The following CADPS2 variants were observed in gnomAD, a reference collection of about 807,000 sequenced individuals.
CADPS2 encodes the protein calcium-dependent secretion activator 2.
Under a neutral mutation model 172.5 loss-of-function variants are expected in CADPS2, and 93 were observed. The ratio of observed to expected loss-of-function variants is 0.54; its 90% CI spans 0.46 to 0.64. The LOEUF (loss-of-function observed/expected upper bound fraction) is 0.64. Ranked by LOEUF, CADPS2 falls within the 30% of genes least tolerant of loss-of-function variation. CADPS2 has a pLI of 0.00. For missense variants in CADPS2, 1,420 were observed against 1,565.9 expected, an observed-to-expected ratio of 0.91 and a Z score of 1.57; for synonymous variants, 546 against 555.2, an observed-to-expected ratio of 0.98 and a Z score of 0.23.
intron 20 of CADPS2, among the ~76,000 whole-genome samples, chr7:122,401,514 A>G (rs527885590): frequency 2.6e-4 from 40 of 152,200 alleles, no homozygotes; most frequent in South Asian, 1.0e-3. Flanking sequence ...TGCCTTATCT[A>G]TTATTGACAG....
intron 1 of CADPS2, among the ~76,000 whole-genome samples, chr7:122,764,115 C>A (rs1331968411): frequency 1.3e-5 from 2 of 152,096 alleles, no homozygotes; most frequent in African/African-American, 2.4e-5. Context: ...CAACTCCCCA[C>A]ATACTTGTTT....
rs370495489 is a variant in CADPS2, at chr7:122,875,956, A to G, written c.339+10043T>C. ...CAAAAGACAACCCTAAGGGAAACACAAAGAAAGGATACAAACTATTGATTT... is the reference window on the plus strand; with the variant it reads ...CAAAAGACAACCCTAAGGGAAACACGAAGAAAGGATACAAACTATTGATTT... On this transcript the variant is annotated intron_variant, in intron 1 of 29. Coordinates refer to ENST00000449022, the MANE Select transcript of CADPS2 (RefSeq NM_017954.11). 1.7e-4 allele frequency among the ~76,000 whole-genome samples: 26 copies of G among 152,332 alleles called. No homozygotes were observed. In the East Asian group the frequency reaches 4.2e-3, roughly 25 times the overall value.
chr7:122,516,796 A>G (rs1300190448), intron 8 of CADPS2, among the ~76,000 whole-genome samples: 2 of 152,168 alleles, frequency 1.3e-5, no homozygotes, highest in African/African-American at 4.8e-5. Flanking sequence ...TCTTATAGTT[A>G]ATATCTGGCA....
At chr7:122,522,777 T>C (rs888334838) in intron 8 of CADPS2, among the ~76,000 whole-genome samples, 1 of 146,092 alleles carries the variant, frequency 6.8e-6, no homozygotes, top group Non-Finnish European at 1.5e-5. Flanking sequence ...CTAACTTCTA[T>C]CTCCACAGAT....
rs181613516 is a variant in CADPS2 at position 122,566,458 on chromosome 7, C to T, written c.1336-11769G>A. On this transcript the variant is annotated intron_variant, in intron 7 of 29. Coordinates refer to ENST00000449022, the MANE Select transcript of CADPS2 (RefSeq NM_017954.11). ...TGAAATCTGTATATAGAAGAGATAT[C>T]TGCACTCCAATGTTCATTGCAGCTT... Among the ~76,000 whole-genome samples, 599 of 152,188 alleles carry T rather than the reference C, an allele frequency of 3.9e-3. 7 individuals carry two copies. The highest frequency in any genetic ancestry group is 0.014 in the African/African-American group (568 of 41,504).
At chr7:122,716,668 T>TA (rs1449219702) in intron 2 of CADPS2, among the ~76,000 whole-genome samples, 7 of 152,092 alleles carry the variant, frequency 4.6e-5, no homozygotes, top group Admixed American at 1.3e-4. Context: ...CCCTAGAACT[T>TA]AAAGTATAAC....
At chr7:122,655,473 G>A (rs1356449993) in intron 3 of CADPS2, among the ~76,000 whole-genome samples, 1 of 152,098 alleles carries the variant, frequency 6.6e-6, no homozygotes, top group African/African-American at 2.4e-5. Flanking sequence ...AGGCTCAAAT[G>A]CTTGGTAGCA....
intron 28 of CADPS2, among the ~76,000 whole-genome samples, chr7:122,328,014 T>G (rs1473897909): frequency 6.6e-6 from 1 of 152,076 alleles, no homozygotes; most frequent in Non-Finnish European, 1.5e-5. Flanking sequence ...ACACTTCAAA[T>G]TAAGCAAATG....
rs527494705 is a variant in CADPS2, at chr7:122,636,874, T to C, written c.787-7546A>G. Among the ~76,000 whole-genome samples, 36 of 152,260 alleles carry C rather than the reference T, an allele frequency of 2.4e-4. 3 individuals carry two copies. In the South Asian group the frequency reaches 6.4e-3, roughly 27 times the overall value. Reference sequence around the variant, plus strand: ...ATCTTGCCAGAATTCTCTGTATTTCTTAAATTTGTACGTCCAACTCTCTAG... The same window carrying C: ...ATCTTGCCAGAATTCTCTGTATTTCCTAAATTTGTACGTCCAACTCTCTAG... On this transcript the variant is annotated intron_variant, in intron 3 of 29. Coordinates refer to ENST00000449022, the MANE Select transcript of CADPS2 (RefSeq NM_017954.11).
chr7:122,546,762 T>C (rs1255390107), intron 8 of CADPS2, among the ~76,000 whole-genome samples: 1 of 152,182 alleles, frequency 6.6e-6, no homozygotes, highest in Non-Finnish European at 1.5e-5. Context: ...TGTCAGCCCA[T>C]GCTTTTGCTT....
At chr7:122,567,306 T>C (rs924461588) in intron 7 of CADPS2, among the ~76,000 whole-genome samples, 2 of 152,164 alleles carry the variant, frequency 1.3e-5, no homozygotes, top group East Asian at 3.9e-4. Flanking sequence ...CCTTGAAAGA[T>C]AACCTCTACT....
chr7:122,366,601 T>A (rs1164522115), intron 25 of CADPS2, among the ~76,000 whole-genome samples: 2 of 137,458 alleles, frequency 1.5e-5, no homozygotes, highest in Non-Finnish European at 1.5e-5. Context: ...CAAGACTCCA[T>A]CTCAAAAATA....
chr7:122,677,642 AAACAACAAC>A (rs747639108), intron 2 of CADPS2, among the ~76,000 whole-genome samples: 1 of 152,118 alleles, frequency 6.6e-6, no homozygotes, highest in African/African-American at 2.4e-5. Flanking sequence ...TCTTAAAGGT[AAACAACAAC>A]AACAACAACA....
At chr7:122,326,053 T>C in intron 28 of CADPS2, among the ~76,000 whole-genome samples, 1 of 148,986 alleles carries the variant, frequency 6.7e-6, no homozygotes, top group African/African-American at 2.5e-5. Context: ...ATACCTAAAA[T>C]TACATTTTAA....
intron 2 of CADPS2, chr7:122,702,687 T>C (rs1274932686): frequency 1.9e-6 from 3 of 1,612,960 alleles, no homozygotes; most frequent in Non-Finnish European, 1.7e-6. Flanking sequence ...AGAAAGATAC[T>C]AAGCCTCAAA....
intron 17 of CADPS2, among the ~76,000 whole-genome samples, chr7:122,422,701 T>G (rs532731732): frequency 6.6e-6 from 1 of 151,714 alleles, no homozygotes; most frequent in Non-Finnish European, 1.5e-5. Flanking sequence ...ATGCCTGTAA[T>G]CCCAGCACTT....
chr7:122,823,040 T>C (rs1803842190), intron 1 of CADPS2, among the ~76,000 whole-genome samples: 1 of 152,198 alleles, frequency 6.6e-6, no homozygotes, highest in African/African-American at 2.4e-5. Flanking sequence ...ATAGTTTTGA[T>C]TTGTATTTCT....
intron 9 of CADPS2, among the ~76,000 whole-genome samples, chr7:122,503,626 C>A (rs1310061643): frequency 6.6e-6 from 1 of 152,142 alleles, no homozygotes; most frequent in Non-Finnish European, 1.5e-5. Flanking sequence ...TCATACTAAA[C>A]AAAATAGTAA....
chr7:122,508,017 TAC>T (rs1246247345), intron 9 of CADPS2, among the ~76,000 whole-genome samples: 1 of 152,174 alleles, frequency 6.6e-6, no homozygotes, highest in East Asian at 1.9e-4. Flanking sequence ...AACAAATATT[TAC>T]AGATTCTCCA....
Sources: allele counts gnomAD v4.1 joint callset (sites outside exome capture counted in the v4.1 genomes callset), GRCh38; gene constraint gnomAD v4.1.1; transcripts MANE v1.5; gene names NCBI Gene and HGNC (gene_info 2026-07-23, HGNC 2026-07-21).